The following ELF1 variants were observed in gnomAD, a reference collection of about 807,000 sequenced individuals.
The protein encoded by ELF1 is E74 like ETS transcription factor 1, also known as ETS-related transcription factor Elf-1.
Under a neutral mutation model 59.9 loss-of-function variants are expected in ELF1, and 24 were observed. The observed-to-expected ratio is 0.40, with a 90% CI of 0.29 to 0.56. ELF1 has a LOEUF of 0.56. Among genes scored for constraint, ELF1 ranks in the 20% least tolerant of loss-of-function variants. The pLI is 0.44. For synonymous variants in ELF1, 248 were observed against 266.2 expected, an observed-to-expected ratio of 0.93 and a Z score of 0.67; for missense variants, 627 against 742.2, an observed-to-expected ratio of 0.84 and a Z score of 1.80.
intron 3 of ELF1, among the ~76,000 whole-genome samples, chr13:40,954,561 C>A (rs1045794833): frequency 6.6e-6 from 1 of 151,892 alleles, no homozygotes; most frequent in Admixed American, 6.5e-5. Context: ...GATTCTCCTG[C>A]CTCAGCCTGC....
intron 1 of ELF1, among the ~76,000 whole-genome samples, chr13:40,985,397 G>A (rs1469682224): frequency 6.6e-6 from 1 of 152,114 alleles, no homozygotes; most frequent in Non-Finnish European, 1.5e-5. Flanking sequence ...AATTGGGGTG[G>A]TCAAGTTCTC....
chr13:41,000,237 CTTTTTTTTTTTTTTTTTT>C (rs55938711), intron 1 of ELF1, among the ~76,000 whole-genome samples: 6 of 54,722 alleles, frequency 1.1e-4, no homozygotes, highest in South Asian at 8.5e-4. Flanking sequence ...TTGAACCTGG[CTTTTTTTTTTTTTTTTTT>C]TTTTTTTTTT....
intron 1 of ELF1, among the ~76,000 whole-genome samples, chr13:40,997,456 C>A (rs922371122): frequency 2.6e-5 from 4 of 152,174 alleles, no homozygotes; most frequent in African/African-American, 7.2e-5. Context: ...CAGGGTTTCA[C>A]AATATTGGCC....
rs1325307589 is a variant in ELF1, at chr13:40,951,879, CAG to C, written c.254-445_254-444del. On this transcript the variant is annotated intron_variant, in intron 3 of 8. Coordinates refer to ENST00000239882, the MANE Select transcript of ELF1 (RefSeq NM_172373.4). Reference sequence around the variant, plus strand: ...GAGACTCTGTCTTAAAAAAAAAAAACAGAAACTATTACATTAAAAAATCAATA... The same window carrying C: ...GAGACTCTGTCTTAAAAAAAAAAAACAAACTATTACATTAAAAAATCAATA... 3.0e-4 allele frequency among the ~76,000 whole-genome samples: 45 copies of C among 150,130 alleles called. No homozygotes were observed. The South Asian group carries it at 9.3e-3, about 31-fold the overall frequency.
chr13:41,049,639 T>C (rs1876999716), intron 1 of ELF1, among the ~76,000 whole-genome samples: 1 of 152,174 alleles, frequency 6.6e-6, no homozygotes, highest in African/African-American at 2.4e-5. Context: ...ATTTGCAAAA[T>C]GCTACTCCCT....
chr13:41,054,187 T>C (rs535416061), intron 1 of ELF1, among the ~76,000 whole-genome samples: 2 of 152,330 alleles, frequency 1.3e-5, no homozygotes, highest in East Asian at 3.9e-4. Flanking sequence ...AAAACCACTC[T>C]TGAATCATTG....
intron 2 of ELF1, among the ~76,000 whole-genome samples, chr13:40,979,457 C>A (rs1257711133): frequency 6.6e-6 from 1 of 152,176 alleles, no homozygotes; most frequent in Non-Finnish European, 1.5e-5. Context: ...TCAACCCAGG[C>A]ATTTCAACTT....
At chr13:41,030,743 T>C (rs770107388) in intron 1 of ELF1, among the ~76,000 whole-genome samples, 3 of 151,572 alleles carry the variant, frequency 2.0e-5, no homozygotes, top group Non-Finnish European at 4.4e-5. Flanking sequence ...AGTGAGATTC[T>C]GTCTCACACA....
At chr13:41,011,357 T>C (rs1274097233) in intron 1 of ELF1, among the ~76,000 whole-genome samples, 15 of 152,348 alleles carry the variant, frequency 9.8e-5, no homozygotes, top group Non-Finnish European at 2.1e-4. Flanking sequence ...TCTAGAAGTA[T>C]GCCTAGATCT....
intron 1 of ELF1, among the ~76,000 whole-genome samples, chr13:40,991,505 G>T (rs780923426): frequency 6.6e-5 from 10 of 152,070 alleles, no homozygotes; most frequent in Non-Finnish European, 1.0e-4. Flanking sequence ...TGGAACTCCT[G>T]GGCTCAAGTG....
At position 40,933,764 on chromosome 13, in the gene ELF1, G is replaced by GT. The variant is rs1169605194; in HGVS notation, c.1520_1521insA (p.Leu508ProfsTer3). The GT allele has an allele frequency of 1.9e-6, 3 of 1,614,244 alleles. No individual in the cohort carries two copies. The highest frequency in any genetic ancestry group is 2.5e-6 in the Non-Finnish European group (3 of 1,180,048). On this transcript the variant is annotated frameshift_variant, in exon 9 of 9. Coordinates refer to ENST00000239882, the MANE Select transcript of ELF1 (RefSeq NM_172373.4). LOFTEE classifies it high-confidence loss of function. ...AAATGGTCTGAACATTGCTAGTAAG[G>GT]ACCTGCTGAACCTGGGCAGGGCCCA...
At chr13:40,949,296 A>AT (rs1213646945) in intron 5 of ELF1, among the ~76,000 whole-genome samples, 13 of 151,846 alleles carry the variant, frequency 8.6e-5, no homozygotes, top group African/African-American at 2.4e-4. Context: ...CAATACTTTA[A>AT]TTTTTTAAAA....
intron 1 of ELF1, among the ~76,000 whole-genome samples, chr13:41,016,966 A>ATG (rs1875439250): frequency 8.0e-6 from 1 of 125,568 alleles, no homozygotes; most frequent in Non-Finnish European, 1.7e-5. Context: ...ATATATATAT[A>ATG]TATATATATA....
At chr13:40,939,070 C>T (rs1199694268) in intron 8 of ELF1, among the ~76,000 whole-genome samples, 1 of 152,156 alleles carries the variant, frequency 6.6e-6, no homozygotes, top group Non-Finnish European at 1.5e-5. Flanking sequence ...CAGTGGCTCA[C>T]ACTTATAATC....
intron 3 of ELF1, among the ~76,000 whole-genome samples, chr13:40,955,313 G>T (rs1160377868): frequency 6.9e-6 from 1 of 145,604 alleles, no homozygotes; most frequent in Non-Finnish European, 1.5e-5. Flanking sequence ...CGCCCCGTCC[G>T]GAAGGGAGGT....
intron 2 of ELF1, among the ~76,000 whole-genome samples, chr13:40,979,764 T>C (rs574666359): frequency 1.1e-4 from 17 of 152,344 alleles, no homozygotes; most frequent in Admixed American, 2.6e-4. Flanking sequence ...TGTTCATTTG[T>C]TCAGACATTT....
At chr13:41,055,312 C>G (rs1877244554) in intron 1 of ELF1, among the ~76,000 whole-genome samples, 1 of 151,984 alleles carries the variant, frequency 6.6e-6, no homozygotes, top group Non-Finnish European at 1.5e-5. Context: ...TACCTGCACC[C>G]TCAGCTCCAT....
At chr13:40,946,674 T>A (rs1001565702) in intron 5 of ELF1, among the ~76,000 whole-genome samples, 1 of 152,038 alleles carries the variant, frequency 6.6e-6, no homozygotes, top group Non-Finnish European at 1.5e-5. Flanking sequence ...TCCTCCTCCC[T>A]CCTCAGCCTA....
At chr13:41,061,236 C>G (rs1325948591) in exon 1 of ELF1, 2 of 235,142 alleles carry the variant, frequency 8.5e-6, no homozygotes, top group Non-Finnish European at 1.7e-5. Flanking sequence ...CGGGCGGAGG[C>G]GGCGCGCTGA....
Sources: allele counts gnomAD v4.1 joint callset (sites outside exome capture counted in the v4.1 genomes callset), GRCh38; gene constraint gnomAD v4.1.1; transcripts MANE v1.5; gene names NCBI Gene and HGNC (gene_info 2026-07-23, HGNC 2026-07-21).